Variants in LAMA2 observed in about 807,000 individuals in gnomAD.
The protein encoded by LAMA2 is laminin subunit alpha 2.
In LAMA2, 269 loss-of-function variants were observed where a neutral mutation model predicts 364.8. The observed-to-expected ratio is 0.74, with a 90% CI of 0.67 to 0.82. The LOEUF is 0.82. Ranked by LOEUF, LAMA2 falls within the 40% of genes least tolerant of loss-of-function variation. The probability of loss-of-function intolerance (pLI) is 0.00; values close to 1 mark genes in which losing one functional copy is unlikely to be tolerated. For synonymous variants in LAMA2, 1,379 were observed against 1,370.6 expected (o/e 1.01, Z -0.14); for missense variants, 3,807 against 3,873.2 (o/e 0.98, Z 0.45).
chr6:129,315,412 C>T, intron 24 of LAMA2, 64 bp from the exon 25 acceptor site: 1 of 1,447,256 alleles, frequency 6.9e-7, no homozygotes, highest in East Asian at 2.3e-5. Flanking sequence ...CAGTTCGTAA[C>T]TTAGTTTTAA....
chr6:129,217,872 T>A (rs1416224551), intron 12 of LAMA2, among the ~76,000 whole-genome samples: 1 of 152,130 alleles, frequency 6.6e-6, no homozygotes, highest in Non-Finnish European at 1.5e-5. Flanking sequence ...GTTTTGAAGA[T>A]CAAATACAAA....
At chr6:128,954,936 G>T (rs772678723) in intron 1 of LAMA2, among the ~76,000 whole-genome samples, 27 of 151,306 alleles carry the variant, frequency 1.8e-4, no homozygotes, top group Non-Finnish European at 7.4e-5. Context: ...GTCAGAAGAA[G>T]AATGTAATTT....
chr6:129,166,061 T>A (rs1432580671), intron 9 of LAMA2, among the ~76,000 whole-genome samples: 1 of 152,172 alleles, frequency 6.6e-6, no homozygotes, highest in African/African-American at 2.4e-5. Context: ...CACTGAGGAA[T>A]GTGTGTGCTG....
chr6:129,164,984 A>T (rs1322607461), intron 8 of LAMA2, among the ~76,000 whole-genome samples: 1 of 152,184 alleles, frequency 6.6e-6, no homozygotes. Context: ...TGGGGGAATG[A>T]ATGAATGTAT....
At chr6:129,251,060 CTCTCTCTCTCTCTCTCTATA>C (rs1235572336) in intron 13 of LAMA2, among the ~76,000 whole-genome samples, 3,658 of 73,392 alleles carry the variant, frequency 0.05, 41 homozygotes, top group East Asian at 0.17. Flanking sequence ...CTCTCTCTCT[CTCTCTCTCTCTCTCTCTATA>C]TATATATATA....
At chr6:129,194,945 C>G (rs1315122698) in intron 12 of LAMA2, among the ~76,000 whole-genome samples, 2 of 152,160 alleles carry the variant, frequency 1.3e-5, no homozygotes, top group African/African-American at 2.4e-5. Flanking sequence ...ATAGTTGAGG[C>G]TAAATTCTTT....
At chr6:129,257,135 G>A (rs528407253) in intron 14 of LAMA2, among the ~76,000 whole-genome samples, 1 of 151,690 alleles carries the variant, frequency 6.6e-6, no homozygotes, top group Non-Finnish European at 1.5e-5. Context: ...CTAAAATTTA[G>A]TACTATATTA....
intron 55 of LAMA2, among the ~76,000 whole-genome samples, chr6:129,485,572 T>A (rs1784548720): frequency 6.6e-6 from 1 of 152,194 alleles, no homozygotes; most frequent in Non-Finnish European, 1.5e-5. Context: ...GAGTTATTTG[T>A]GATTCCTTTC....
At chr6:128,915,919 AT>A (rs1388025214) in intron 1 of LAMA2, among the ~76,000 whole-genome samples, 1 of 152,206 alleles carries the variant, frequency 6.6e-6, no homozygotes, top group Admixed American at 6.6e-5. Flanking sequence ...GAGATAACCT[AT>A]CTGTTCTTTA....
chr6:129,054,272 C>T (rs915874283), intron 2 of LAMA2, among the ~76,000 whole-genome samples: 6 of 151,992 alleles, frequency 3.9e-5, no homozygotes, highest in Admixed American at 6.6e-5. Flanking sequence ...AAGAATCAAA[C>T]GTGTGGACTG....
chr6:129,424,480 T>G (rs1461220359), intron 40 of LAMA2, among the ~76,000 whole-genome samples: 1 of 149,722 alleles, frequency 6.7e-6, no homozygotes, highest in Non-Finnish European at 1.5e-5. Flanking sequence ...AAATTACATA[T>G]CTGATAAAGG....
At chr6:129,360,937 T>C (rs1344926971) in intron 32 of LAMA2, among the ~76,000 whole-genome samples, 1 of 152,194 alleles carries the variant, frequency 6.6e-6, no homozygotes, top group East Asian at 1.9e-4. Flanking sequence ...TCCTTGGAAA[T>C]TTCTGGAACC....
At chr6:128,968,530 G>A (rs1562879960) in intron 1 of LAMA2, among the ~76,000 whole-genome samples, 1 of 152,160 alleles carries the variant, frequency 6.6e-6, no homozygotes, top group African/African-American at 2.4e-5. Flanking sequence ...CATGGGGTGG[G>A]AGTTAATTGA....
At chr6:129,060,890 T>C (rs2114797558) in intron 3 of LAMA2, among the ~76,000 whole-genome samples, 1 of 152,320 alleles carries the variant, frequency 6.6e-6, no homozygotes, top group South Asian at 2.1e-4. Context: ...TCCACCCATA[T>C]GGGCCTCCTC....
At chr6:128,976,956 T>C (rs773545802) in intron 1 of LAMA2, among the ~76,000 whole-genome samples, 1 of 152,224 alleles carries the variant, frequency 6.6e-6, no homozygotes, top group East Asian at 1.9e-4. Flanking sequence ...GACTACTGTG[T>C]GCTAGTAAAC....
At chr6:129,427,885 C>T in intron 41 of LAMA2, 31 bp downstream of exon 41, 1 of 1,327,304 alleles carries the variant, frequency 7.5e-7, no homozygotes, top group Non-Finnish European at 1.1e-6. Flanking sequence ...TATTATATTC[C>T]AGTTAATCGG....
chr6:129,445,680 T>C lies in LAMA2; in HGVS notation c.6288T>C (p.Asp2096=). 1 of 1,614,002 alleles carries C rather than the reference T, an allele frequency of 6.2e-7. No homozygotes were observed. Among genetic ancestry groups the C allele is most frequent in the Middle Eastern group, 1.7e-4 (1 of 6,060 alleles). ...TGTTCTATGCAGTTGCCGATGCAGA[T>C]GCCACTGTCAAAAATTTAGAACAGG... ...PSKNKIIADA[D]ATVKNLEQEA... is the part of the protein sequence containing the mutation. The change falls in exon 45 of 65, where the codon GAT becomes GAC. Residue 2096 remains aspartate, a synonymous_variant. Transcript: ENST00000421865.
chr6:128,922,191 A>C (rs1778782667), intron 1 of LAMA2, among the ~76,000 whole-genome samples: 1 of 151,840 alleles, frequency 6.6e-6, no homozygotes, highest in Non-Finnish European at 1.5e-5. Flanking sequence ...TCTTTATAGC[A>C]GCATGATTTA....
chr6:128,946,084 A>C (rs1253982870), intron 1 of LAMA2, among the ~76,000 whole-genome samples: 1 of 152,232 alleles, frequency 6.6e-6, no homozygotes, highest in Admixed American at 6.5e-5. Flanking sequence ...GATAATCAGC[A>C]AGAAAGCACA....
Sources: gnomAD v4.1 joint callset for allele counts (sites outside exome capture counted in the v4.1 genomes callset) on GRCh38, gnomAD v4.1.1 for gene constraint, MANE v1.5 for transcripts, NCBI Gene and HGNC (gene_info 2026-07-23, HGNC 2026-07-21) for gene names.